The following BTBD1 variants were observed in gnomAD, a reference collection of about 807,000 sequenced individuals.
BTBD1 encodes the protein BTB/POZ domain-containing protein 1.
Under a neutral mutation model 48.0 loss-of-function variants are expected in BTBD1, and 34 were observed. The ratio of observed to expected loss-of-function variants is 0.71; its 90% CI spans 0.54 to 0.94. BTBD1 has a LOEUF of 0.94. Ranked by LOEUF, BTBD1 falls within the 40% of genes least tolerant of loss-of-function variation. The probability of loss-of-function intolerance (pLI) is 0.00; values close to 1 mark genes in which losing one functional copy is unlikely to be tolerated. For synonymous variants in BTBD1, 261 were observed against 242.1 expected (o/e 1.08, Z -0.72); for missense variants, 543 against 625.6 (o/e 0.87, Z 1.41).
At position 83,045,521 on chromosome 15, in the gene BTBD1, A is replaced by AC. The variant is rs1418869419; in HGVS notation, c.665-3597_665-3596insG. Among the ~76,000 whole-genome samples the AC allele has an allele frequency of 4.6e-3, 696 of 152,160 alleles. 7 individuals carry two copies. Among genetic ancestry groups the AC allele is most frequent in the African/African-American group, 0.016 (655 of 41,466 alleles). ...CTCAAAAAAACAAACAAACAAACAA[A>AC]AAAAAACTTTTCTGCAATGGTCTAC... On this transcript the variant is annotated intron_variant, in intron 3 of 7. Transcript: ENST00000261721.
At chr15:83,057,332 T>C (rs886903731) in intron 1 of BTBD1, among the ~76,000 whole-genome samples, 2 of 152,198 alleles carry the variant, frequency 1.3e-5, no homozygotes, top group Non-Finnish European at 2.9e-5. Context: ...TGACTTATTA[T>C]CAATGCCTGC....
intron 1 of BTBD1, among the ~76,000 whole-genome samples, chr15:83,065,024 C>T (rs377230013): frequency 7.9e-5 from 12 of 152,144 alleles, no homozygotes; most frequent in African/African-American, 2.7e-4. Context: ...TGTTCCATGT[C>T]TTTTCACGTT....
In BTBD1 at chr15:83,041,743, C is replaced by T; in HGVS notation, c.847G>A (p.Glu283Lys). 6.2e-7 allele frequency: 1 copy of T among 1,614,136 alleles called. No individual in the cohort carries two copies. The highest frequency in any genetic ancestry group is 1.1e-5 in the South Asian group (1 of 91,064). Residue 283 changes from glutamate to lysine, a missense_variant, in exon 4 of 8, where the codon GAG becomes AAG. Physicochemically the swap from Glu to Lys is moderately conservative, Grantham distance 56 (BLOSUM62 1). Transcript: ENST00000261721. Reference protein sequence around the residue: ...SLIRFPLMTIEEFAAGPAQSG... With the variant: ...SLIRFPLMTIKEFAAGPAQSG... ...ATACCCTTACCTGCTGCAAATTCCT[C>T]AATTGTCATCAGTGGGAACCGGATT...
intron 1 of BTBD1, among the ~76,000 whole-genome samples, chr15:83,066,057 C>G (rs533652177): frequency 6.6e-6 from 1 of 152,164 alleles, no homozygotes; most frequent in South Asian, 2.1e-4. Context: ...TTTGGGAGGC[C>G]GAGGTGGACG....
At chr15:83,043,514 G>C (rs1403632183) in intron 3 of BTBD1, among the ~76,000 whole-genome samples, 1 of 152,196 alleles carries the variant, frequency 6.6e-6, no homozygotes, top group Non-Finnish European at 1.5e-5. Flanking sequence ...TCTGTGTTGA[G>C]AAGAGGCTAT....
intron 1 of BTBD1, among the ~76,000 whole-genome samples, chr15:83,064,795 T>C (rs77099528): frequency 0.035 from 5,326 of 152,228 alleles, 289 homozygotes; most frequent in African/African-American, 0.12. Context: ...AAAATCCAAA[T>C]GAACTATACC....
Position 83,030,233 on chromosome 15 carries a change from G to A in BTBD1, c.958C>T (p.Arg320Ter), listed in dbSNP as rs138518925. The A allele has an allele frequency of 1.9e-5, 31 of 1,613,828 alleles. No individual in the cohort carries two copies. The highest frequency in any genetic ancestry group is 3.3e-5 in the Admixed American group (2 of 59,974). The change falls in exon 5 of 8, where the codon CGA becomes TGA. Residue 320 changes from arginine to a stop codon, truncating the protein, a stop_gained. Coordinates refer to ENST00000261721, the MANE Select transcript of BTBD1 (RefSeq NM_025238.4). LOFTEE classifies it high-confidence loss of function. The part of the protein sequence containing the change: ...NPKPRVEYID[R>*]PRCCLRGKEC... Reference sequence around the variant, plus strand: ...TTTCCCCTGAGACAGCATCTTGGTCGGTCAATGTATTCAACTCGGGGTTTA... The same window carrying A: ...TTTCCCCTGAGACAGCATCTTGGTCAGTCAATGTATTCAACTCGGGGTTTA...
chr15:83,024,783 G>GTAGA (rs1243332041), intron 5 of BTBD1, among the ~76,000 whole-genome samples: 1 of 152,034 alleles, frequency 6.6e-6, no homozygotes, highest in African/African-American at 2.4e-5. Context: ...GAATTTTTTT[G>GTAGA]TAGAGATGGA....
intron 1 of BTBD1, among the ~76,000 whole-genome samples, chr15:83,066,422 G>C (rs536014055): frequency 6.6e-4 from 100 of 152,300 alleles, no homozygotes; most frequent in Non-Finnish European, 1.1e-3. Context: ...AGGACAACCT[G>C]ATCTGCCCCT....
At chr15:83,055,003 G>A (rs1006665724) in intron 2 of BTBD1, among the ~76,000 whole-genome samples, 1 of 152,128 alleles carries the variant, frequency 6.6e-6, no homozygotes, top group African/African-American at 2.4e-5. Context: ...AAATGAGAGG[G>A]TTGAGCTAGG....
chr15:83,021,990 A>G (rs948116637), intron 5 of BTBD1, among the ~76,000 whole-genome samples: 2 of 152,104 alleles, frequency 1.3e-5, no homozygotes, highest in African/African-American at 2.4e-5. Flanking sequence ...TATAAGCTAG[A>G]TAACAGTACT....
At chr15:83,058,354 A>C (rs2033122034) in intron 1 of BTBD1, among the ~76,000 whole-genome samples, 1 of 152,158 alleles carries the variant, frequency 6.6e-6, no homozygotes. Flanking sequence ...TAATGGACTT[A>C]CTATTTTTTA....
chr15:83,066,314 GA>G (rs1235487421), intron 1 of BTBD1, among the ~76,000 whole-genome samples: 1 of 151,906 alleles, frequency 6.6e-6, no homozygotes, highest in Non-Finnish European at 1.5e-5. Flanking sequence ...AAAGCGGGGG[GA>G]AGGGGGTGAC....
At chr15:83,024,846 C>T (rs1323637361) in intron 5 of BTBD1, among the ~76,000 whole-genome samples, 1 of 152,146 alleles carries the variant, frequency 6.6e-6, no homozygotes, top group Non-Finnish European at 1.5e-5. Context: ...AAGTGAGCCA[C>T]CCACTTCAGC....
Position 83,035,620 on chromosome 15 carries a change from G to T in BTBD1, c.863-5292C>A, listed in dbSNP as rs898459982. On this transcript the variant is annotated intron_variant, in intron 4 of 7. Coordinates refer to ENST00000261721, the MANE Select transcript of BTBD1 (RefSeq NM_025238.4). ...ACACTTAAATATATGCATTCAAAAA[G>T]AATATAGGTTGACCTTCTAAGTATC... Among the ~76,000 whole-genome samples, 28 of 151,934 alleles carry T rather than the reference G, an allele frequency of 1.8e-4. 1 individual carries two copies. In the South Asian group the frequency reaches 2.3e-3, roughly 12 times the overall value.
intron 1 of BTBD1, among the ~76,000 whole-genome samples, chr15:83,065,005 GTA>G (rs779958360): frequency 3.3e-5 from 5 of 152,134 alleles, no homozygotes; most frequent in Non-Finnish European, 5.9e-5. Flanking sequence ...CGGTCTCTAG[GTA>G]TATGTTTGTT....
chr15:83,016,445 T>TA lies in BTBD1; in HGVS notation c.*1621_*1622insT, dbSNP rs1567099472. 6.6e-6 allele frequency: 1 copy of TA among 151,120 alleles called. No homozygotes were observed. The highest frequency in any genetic ancestry group is 2.4e-5 in the African/African-American group (1 of 41,230). 9.4% of individuals were successfully genotyped at this position (151,120 alleles called of 1,614,324 possible). ...GAGTTTTTTTTATATATATATATATTTATTTATTTTTAAAAACTCCAGGGG... is the reference window on the plus strand; with the variant it reads ...GAGTTTTTTTTATATATATATATATTATATTTATTTTTAAAAACTCCAGGGG... On this transcript the variant is annotated 3_prime_UTR_variant, in exon 8 of 8. Coordinates refer to ENST00000261721, the MANE Select transcript of BTBD1 (RefSeq NM_025238.4).
intron 4 of BTBD1, 56 bp from the exon 5 acceptor site, chr15:83,030,384 T>C (rs1465611959): frequency 1.1e-5 from 16 of 1,447,204 alleles, no homozygotes; most frequent in Non-Finnish European, 9.6e-7. Context: ...ATTCCTAACT[T>C]TGGAATTCAC....
chr15:83,048,830 C>G, intron 3 of BTBD1, among the ~76,000 whole-genome samples: 1 of 152,256 alleles, frequency 6.6e-6, no homozygotes, highest in Non-Finnish European at 1.5e-5. Context: ...GTGAGCTATA[C>G]ATACATTTAA....
Sources: gnomAD v4.1 joint callset for allele counts (sites outside exome capture counted in the v4.1 genomes callset) on GRCh38, gnomAD v4.1.1 for gene constraint, MANE v1.5 for transcripts, NCBI Gene and HGNC (gene_info 2026-07-23, HGNC 2026-07-21) for gene names.